CNTN5: variants seen among roughly 807,000 people sequenced by gnomAD.
CNTN5 encodes the protein contactin-5.
Under a neutral mutation model 129.1 loss-of-function variants are expected in CNTN5, and 77 were observed. The observed-to-expected ratio is 0.60, with a 90% CI of 0.50 to 0.72. The LOEUF (loss-of-function observed/expected upper bound fraction) is 0.72. Ranked by LOEUF, CNTN5 falls within the 30% of genes least tolerant of loss-of-function variation. The pLI is 0.00. For missense variants in CNTN5, 1,478 were observed against 1,328.8 expected (o/e 1.11, Z -1.75); for synonymous variants, 509 against 465.6 (o/e 1.09, Z -1.20).
At chr11:100,092,464 T>C (rs966058302) in intron 13 of CNTN5, among the ~76,000 whole-genome samples, 2 of 152,128 alleles carry the variant, frequency 1.3e-5, no homozygotes, top group African/African-American at 4.8e-5. Flanking sequence ...ACCTTTCCAC[T>C]GCCCAGACTT....
chr11:99,168,495 G>A (rs1477229546), intron 1 of CNTN5, among the ~76,000 whole-genome samples: 1 of 152,062 alleles, frequency 6.6e-6, no homozygotes, highest in African/African-American at 2.4e-5. Flanking sequence ...CAGGATAATC[G>A]CTTGAACCCA....
At chr11:99,444,107 G>A (rs962788065) in intron 2 of CNTN5, among the ~76,000 whole-genome samples, 2 of 152,006 alleles carry the variant, frequency 1.3e-5, no homozygotes, top group African/African-American at 4.8e-5. Flanking sequence ...GTTGAGGTAC[G>A]AGAATCACTT....
chr11:99,150,938 T>C (rs1031404505), intron 1 of CNTN5, among the ~76,000 whole-genome samples: 8 of 152,082 alleles, frequency 5.3e-5, no homozygotes, highest in African/African-American at 1.9e-4. Context: ...ATTAATGTTT[T>C]CTTTCTTACT....
intron 1 of CNTN5, among the ~76,000 whole-genome samples, chr11:99,217,282 C>T (rs1236582736): frequency 1.3e-5 from 2 of 151,984 alleles, no homozygotes; most frequent in African/African-American, 4.8e-5. Context: ...TGTCTTAAGA[C>T]ATTTATCAAA....
chr11:99,802,096 C>T (rs1038915862), intron 3 of CNTN5, among the ~76,000 whole-genome samples: 3 of 152,186 alleles, frequency 2.0e-5, no homozygotes, highest in Non-Finnish European at 4.4e-5. Flanking sequence ...TTGTTCTCCA[C>T]CCAGGGTGTA....
intron 3 of CNTN5, among the ~76,000 whole-genome samples, chr11:99,575,134 T>C (rs1431672064): frequency 6.6e-6 from 1 of 152,182 alleles, no homozygotes; most frequent in African/African-American, 2.4e-5. Flanking sequence ...TTATAAAGTC[T>C]CAAACTTGGG....
At chr11:99,957,772 T>C (rs1950841355) in intron 8 of CNTN5, among the ~76,000 whole-genome samples, 1 of 152,170 alleles carries the variant, frequency 6.6e-6, no homozygotes, top group Non-Finnish European at 1.5e-5. Context: ...TGCTTGGTTT[T>C]AGAATATATG....
intron 9 of CNTN5, among the ~76,000 whole-genome samples, chr11:100,015,348 C>A (rs1485816934): frequency 2.0e-5 from 3 of 152,114 alleles, no homozygotes; most frequent in African/African-American, 7.2e-5. Flanking sequence ...TGGGTTCTAG[C>A]ATGTTGAGTT....
rs184679778 is a variant in CNTN5, at chr11:99,598,743, C to T, written c.55+42474C>T. On this transcript the variant is annotated intron_variant, in intron 3 of 24. Coordinates refer to ENST00000524871, the MANE Select transcript of CNTN5 (RefSeq NM_014361.4). ...GGCATATGTAGGTGATATTTCACATCATCACATTATATTTGGCCATAAACT... is the reference window on the plus strand; with the variant it reads ...GGCATATGTAGGTGATATTTCACATTATCACATTATATTTGGCCATAAACT... Among the ~76,000 whole-genome samples the T allele has an allele frequency of 2.5e-4, 38 of 151,884 alleles. 1 individual carries two copies. Among genetic ancestry groups the T allele is most frequent in the African/African-American group, 7.5e-4 (31 of 41,440 alleles).
intron 2 of CNTN5, among the ~76,000 whole-genome samples, chr11:99,512,949 T>C (rs1946896358): frequency 6.6e-6 from 1 of 152,110 alleles, no homozygotes; most frequent in South Asian, 2.1e-4. Context: ...TAGAAATGAT[T>C]AAGTTTTGTG....
chr11:100,039,446 C>T (rs574714819), intron 9 of CNTN5, among the ~76,000 whole-genome samples: 4 of 152,134 alleles, frequency 2.6e-5, no homozygotes, highest in Non-Finnish European at 5.9e-5. Flanking sequence ...AAATATGTGT[C>T]TTGGAGTTGC....
rs114276437 is a variant in CNTN5 at position 99,070,865 on chromosome 11, T to G, written c.-210+49595T>G. ...CTAATAGAGCACTGTGAGTAAAAAC[T>G]AAGAAGTACAAGTAGCAGTACTAAT... On this transcript the variant is annotated intron_variant, in intron 1 of 24. Coordinates refer to ENST00000524871, the MANE Select transcript of CNTN5 (RefSeq NM_014361.4). Among the ~76,000 whole-genome samples the G allele has an allele frequency of 7.2e-3, 1,090 of 152,146 alleles. 12 individuals carry two copies. The highest frequency in any genetic ancestry group is 0.025 in the African/African-American group (1,044 of 41,498).
At chr11:100,305,358 C>T (rs960856610) in intron 20 of CNTN5, among the ~76,000 whole-genome samples, 1 of 151,580 alleles carries the variant, frequency 6.6e-6, no homozygotes, top group African/African-American at 2.4e-5. Flanking sequence ...GGAACTCTGG[C>T]ATATGTAGAA....
intron 1 of CNTN5, among the ~76,000 whole-genome samples, chr11:99,216,736 A>G (rs898780): frequency 0.76 from 115,694 of 151,516 alleles, 44,484 homozygotes; most frequent in East Asian, 0.99. Flanking sequence ...TTTCCTGAAT[A>G]AGACTTCAAA....
chr11:100,116,137 G>A (rs924963026), intron 13 of CNTN5, among the ~76,000 whole-genome samples: 4 of 151,910 alleles, frequency 2.6e-5, no homozygotes, highest in Admixed American at 1.3e-4. Context: ...CTCTGGGGCT[G>A]GATTGCTCTT....
At chr11:99,383,290 G>C (rs1456200512) in intron 2 of CNTN5, among the ~76,000 whole-genome samples, 1 of 152,182 alleles carries the variant, frequency 6.6e-6, no homozygotes, top group East Asian at 1.9e-4. Flanking sequence ...GAAATGATGA[G>C]TTACTAGCTT....
intron 23 of CNTN5, among the ~76,000 whole-genome samples, chr11:100,350,018 T>C (rs1952370295): frequency 6.6e-6 from 1 of 151,842 alleles, no homozygotes; most frequent in Admixed American, 6.6e-5. Context: ...TTAATTATAA[T>C]ACCACAACAG....
intron 18 of CNTN5, among the ~76,000 whole-genome samples, chr11:100,291,317 A>G (rs1950962146): frequency 6.6e-6 from 1 of 152,034 alleles, no homozygotes; most frequent in Admixed American, 6.5e-5. Flanking sequence ...ACGTATGTTT[A>G]TTGCAGCACT....
At chr11:99,268,934 T>G (rs1404290944) in intron 1 of CNTN5, among the ~76,000 whole-genome samples, 1 of 151,884 alleles carries the variant, frequency 6.6e-6, no homozygotes, top group African/African-American at 2.4e-5. Context: ...AAAATCAGAG[T>G]AGAGTCTTCT....
Sources: allele counts gnomAD v4.1 joint callset (sites outside exome capture counted in the v4.1 genomes callset), GRCh38; gene constraint gnomAD v4.1.1; transcripts MANE v1.5; gene names NCBI Gene and HGNC (gene_info 2026-07-23, HGNC 2026-07-21).